DOCK2: variants seen among roughly 807,000 people sequenced by gnomAD.
DOCK2 encodes dedicator of cytokinesis protein 2.
Under a neutral mutation model 248.9 loss-of-function variants are expected in DOCK2, and 87 were observed. The observed-to-expected ratio is 0.35, with a 90% CI of 0.29 to 0.42. The LOEUF is 0.42. Ranked by LOEUF, DOCK2 falls within the 10% of genes least tolerant of loss-of-function variation. The pLI, the probability that DOCK2 is intolerant of heterozygous loss-of-function variation, is 1.00. For missense variants in DOCK2, 1,747 were observed against 2,300.2 expected, an observed-to-expected ratio of 0.76 and a Z score of 4.92; for synonymous variants, 805 against 821.6, an observed-to-expected ratio of 0.98 and a Z score of 0.35.
chr5:169,920,928 A>T (rs1775139730), intron 27 of DOCK2, among the ~76,000 whole-genome samples: 1 of 152,202 alleles, frequency 6.6e-6, no homozygotes, highest in South Asian at 2.1e-4. Context: ...ATTGTCAAAA[A>T]ATATAGTTAA....
chr5:169,990,514 GA>G (rs1166688280), intron 29 of DOCK2, among the ~76,000 whole-genome samples: 2 of 152,328 alleles, frequency 1.3e-5, no homozygotes, highest in African/African-American at 4.8e-5. Flanking sequence ...AAATTATGCA[GA>G]AAATGTTTCC....
intron 26 of DOCK2, among the ~76,000 whole-genome samples, chr5:169,835,341 G>C (rs1388926938): frequency 1.4e-5 from 2 of 144,726 alleles, no homozygotes; most frequent in African/African-American, 5.1e-5. Flanking sequence ...TGCAACCTCT[G>C]CCTCCTGGGA....
rs139601671 is a variant in DOCK2 at position 169,833,712 on chromosome 5, G to A, written c.2704-7045G>A. Among the ~76,000 whole-genome samples the A allele has an allele frequency of 1.7e-3, 262 of 152,286 alleles. 3 individuals carry two copies. Among genetic ancestry groups the A allele is most frequent in the African/African-American group, 6.1e-3 (252 of 41,546 alleles). ...GCAGTGATACCTTACTCAAAAGCAG[G>A]TTTCAATCAAAGTGTGCATCCTGGA... is the stretch of plus-strand genomic sequence containing the variant. On this transcript the variant is annotated intron_variant, in intron 26 of 51. Transcript: ENST00000520908.
At chr5:169,766,174 T>C (rs1412872532) in intron 25 of DOCK2, among the ~76,000 whole-genome samples, 1 of 152,134 alleles carries the variant, frequency 6.6e-6, no homozygotes, top group East Asian at 1.9e-4. Flanking sequence ...GTCACCCAGG[T>C]AATACGCATA....
intron 32 of DOCK2, among the ~76,000 whole-genome samples, chr5:170,014,408 A>C (rs1485329804): frequency 6.6e-6 from 1 of 152,136 alleles, no homozygotes; most frequent in African/African-American, 2.4e-5. Context: ...TTAACAATAC[A>C]TTTAACACCA....
intron 22 of DOCK2, among the ~76,000 whole-genome samples, chr5:169,737,900 C>T (rs1366495554): frequency 1.3e-5 from 2 of 152,118 alleles, no homozygotes; most frequent in Non-Finnish European, 2.9e-5. Flanking sequence ...TAATCAAACC[C>T]GAGGAGGGAG....
At chr5:169,992,164 T>C (rs989711853) in intron 29 of DOCK2, among the ~76,000 whole-genome samples, 2 of 152,148 alleles carry the variant, frequency 1.3e-5, no homozygotes, top group Non-Finnish European at 2.9e-5. Flanking sequence ...AACTCACGTC[T>C]CTAAAGTGGA....
chr5:169,957,339 G>A (rs1458440243), intron 27 of DOCK2, among the ~76,000 whole-genome samples: 1 of 152,212 alleles, frequency 6.6e-6, no homozygotes, highest in Non-Finnish European at 1.5e-5. Flanking sequence ...TTGTAGGATT[G>A]TCATCAGAAT....
chr5:169,727,355 T>C (rs959648603), intron 22 of DOCK2, among the ~76,000 whole-genome samples: 1 of 152,194 alleles, frequency 6.6e-6, no homozygotes, highest in Admixed American at 6.5e-5. Context: ...GGTCACACTC[T>C]AGATGTCGGC....
chr5:169,698,227 T>C, intron 10 of DOCK2, 147 bp from the exon 11 acceptor site: 1 of 657,688 alleles, frequency 1.5e-6, no homozygotes, highest in Non-Finnish European at 2.7e-6. Flanking sequence ...CTGAGTGTTG[T>C]GCAGCACTGG....
chr5:169,978,234 A>G (rs1777787505), intron 27 of DOCK2, among the ~76,000 whole-genome samples: 1 of 151,760 alleles, frequency 6.6e-6, no homozygotes, highest in African/African-American at 2.4e-5. Context: ...CACTCCTACT[A>G]ATCTTAGGTG....
At chr5:169,907,624 G>C (rs997080789) in intron 27 of DOCK2, among the ~76,000 whole-genome samples, 8 of 152,142 alleles carry the variant, frequency 5.3e-5, no homozygotes, top group Non-Finnish European at 1.0e-4. Context: ...AATTACCTCT[G>C]TTCTACACAC....
chr5:169,642,663 T>G (rs1757214975), intron 1 of DOCK2, among the ~76,000 whole-genome samples: 1 of 152,214 alleles, frequency 6.6e-6, no homozygotes, highest in Admixed American at 6.5e-5. Context: ...GGCTTCCTAC[T>G]TTCAGATGCT....
intron 30 of DOCK2, among the ~76,000 whole-genome samples, chr5:170,001,146 T>C (rs1304562045): frequency 6.6e-6 from 1 of 152,142 alleles, no homozygotes; most frequent in Non-Finnish European, 1.5e-5. Flanking sequence ...CCTGGGACCT[T>C]CCACTCCCCA....
intron 6 of DOCK2, among the ~76,000 whole-genome samples, chr5:169,674,744 C>T (rs988795915): frequency 1.3e-5 from 2 of 152,206 alleles, no homozygotes; most frequent in African/African-American, 4.8e-5. Flanking sequence ...GGTTCACTTT[C>T]AGCTTAGTTG....
intron 21 of DOCK2, 145 bp downstream of exon 21, chr5:169,717,629 G>T: frequency 1.4e-6 from 1 of 740,450 alleles, no homozygotes; most frequent in East Asian, 2.7e-5. Context: ...CCTATGCTTG[G>T]GTTATTTGGA....
intron 26 of DOCK2, among the ~76,000 whole-genome samples, chr5:169,821,401 A>G (rs1034012992): frequency 6.6e-6 from 1 of 152,246 alleles, no homozygotes; most frequent in Non-Finnish European, 1.5e-5. Context: ...AGGGAAGCCC[A>G]TCAGACTAAC....
chr5:170,071,613 A>T (rs932075775), intron 46 of DOCK2, among the ~76,000 whole-genome samples: 2 of 152,234 alleles, frequency 1.3e-5, no homozygotes, highest in Non-Finnish European at 2.9e-5. Flanking sequence ...AAAAGTACAC[A>T]TAAAAATATA....
chr5:169,724,527 C>T (rs1384907759), intron 22 of DOCK2, among the ~76,000 whole-genome samples: 1 of 152,068 alleles, frequency 6.6e-6, no homozygotes, highest in East Asian at 1.9e-4. Flanking sequence ...CTGCTCCCTA[C>T]CCCCGAGAGC....
Sources: allele counts gnomAD v4.1 joint callset (sites outside exome capture counted in the v4.1 genomes callset), GRCh38; gene constraint gnomAD v4.1.1; transcripts MANE v1.5; gene names NCBI Gene and HGNC (gene_info 2026-07-23, HGNC 2026-07-21).